ADGRA3: variants seen among roughly 807,000 people sequenced by gnomAD.
The protein encoded by ADGRA3 is G-protein coupled receptor 125.
ADGRA3 carries 56 observed loss-of-function variants against 119.8 expected under a neutral mutation model. That is an observed-to-expected ratio of 0.47 (90% CI 0.38 to 0.58). The LOEUF is 0.58. Among genes scored for constraint, ADGRA3 ranks in the 20% least tolerant of loss-of-function variants. The probability of loss-of-function intolerance (pLI) is 0.00; values close to 1 mark genes in which losing one functional copy is unlikely to be tolerated. For synonymous variants in ADGRA3, 607 were observed against 623.8 expected (o/e 0.97, Z 0.40); for missense variants, 1,516 against 1,649.0 (o/e 0.92, Z 1.40).
chr4:22,473,226 T>C (rs1272746808), intron 2 of ADGRA3: 2 of 152,264 alleles, frequency 1.3e-5, no homozygotes, highest in Non-Finnish European at 2.9e-5. Flanking sequence ...ATGCTTCCTG[T>C]ACAGCCTGCG....
intron 2 of ADGRA3, among the ~76,000 whole-genome samples, chr4:22,468,683 C>A (rs900137834): frequency 6.6e-6 from 1 of 151,232 alleles, no homozygotes; most frequent in Admixed American, 6.6e-5. Flanking sequence ...ACAGGAGAAT[C>A]GCTTGAACTT....
chr4:22,511,433 T>C (rs2109189174), intron 1 of ADGRA3, among the ~76,000 whole-genome samples: 1 of 151,958 alleles, frequency 6.6e-6, no homozygotes, highest in South Asian at 2.1e-4. Context: ...GACCTTTCTT[T>C]AAGCATAGCT....
intron 1 of ADGRA3, among the ~76,000 whole-genome samples, chr4:22,481,597 T>G (rs952295697): frequency 2.6e-5 from 4 of 152,344 alleles, no homozygotes; most frequent in Admixed American, 2.6e-4. Flanking sequence ...CTTTTTATTT[T>G]TATTTGTATG....
At chr4:22,472,855 T>C (rs189609345) in intron 2 of ADGRA3, among the ~76,000 whole-genome samples, 2 of 152,274 alleles carry the variant, frequency 1.3e-5, no homozygotes, top group Admixed American at 6.5e-5. Context: ...AGCTCCCTTA[T>C]GTATTGTGAA....
chr4:22,449,409 T>C (rs1331951966), intron 4 of ADGRA3, among the ~76,000 whole-genome samples: 1 of 152,000 alleles, frequency 6.6e-6, no homozygotes, highest in African/African-American at 2.4e-5. Context: ...AGACAAGACA[T>C]GGTAGGTAAA....
At chr4:22,498,580 T>C (rs1383085516) in intron 1 of ADGRA3, among the ~76,000 whole-genome samples, 1 of 151,510 alleles carries the variant, frequency 6.6e-6, no homozygotes, top group Non-Finnish European at 1.5e-5. Context: ...ATTGTGCCAC[T>C]GCAATCCAGC....
rs1422933424 is a variant in ADGRA3 at position 22,447,574 on chromosome 4, A to G, written c.474-63T>C. 3.9e-6 allele frequency: 4 copies of G among 1,018,206 alleles called. No individual in the cohort carries two copies. The East Asian group carries it at 9.8e-5, about 25-fold the overall frequency. 63.1% of individuals were successfully genotyped at this position (1,018,206 alleles called of 1,614,324 possible). A position where few individuals can be genotyped will look rare whatever the true frequency, so the allele number is the denominator to read the frequency against. ...ATTATCTATCATTTTATCCTATTTC[A>G]TATTTTCTAAAGCATCCTACAGTCA... is the stretch of plus-strand genomic sequence containing the variant. On this transcript the variant is annotated intron_variant, in intron 4 of 18. Coordinates refer to ENST00000334304, the MANE Select transcript of ADGRA3 (RefSeq NM_145290.4).
At chr4:22,452,048 C>T (rs1333488817) in intron 4 of ADGRA3, among the ~76,000 whole-genome samples, 1 of 152,166 alleles carries the variant, frequency 6.6e-6, no homozygotes, top group African/African-American at 2.4e-5. Flanking sequence ...GTTTCCTGAT[C>T]CACAGCTCTA....
chr4:22,416,217 A>G (rs550178284), intron 12 of ADGRA3, among the ~76,000 whole-genome samples: 57 of 152,320 alleles, frequency 3.7e-4, no homozygotes, highest in Admixed American at 8.5e-4. Flanking sequence ...GGTGGCAAGC[A>G]CAAAGTTTGT....
rs753026053 is a variant in ADGRA3, at chr4:22,436,566, G to A, written c.1161C>T (p.Pro387=). The change falls in exon 9 of 19, where the codon CCC becomes CCT. Residue 387 remains proline (P), a synonymous_variant. Transcript: ENST00000334304. ...TRNTHGSGIY[P]GNPQDERKAW... ...CTTTTCTCTCATCCTGTGGGTTTCC[G>A]GGATATATCCCACTGCCATGGGTGT... 1.1e-5 allele frequency: 17 copies of A among 1,613,812 alleles called. No homozygotes were observed. The African/African-American group carries it at 1.6e-4, about 15-fold the overall frequency.
chr4:22,504,033 T>G (rs1719147732), intron 1 of ADGRA3, among the ~76,000 whole-genome samples: 1 of 152,056 alleles, frequency 6.6e-6, no homozygotes. Context: ...GACAGAATCA[T>G]AAAAAGGGCT....
At chr4:22,478,972 T>G (rs1356589896) in intron 1 of ADGRA3, among the ~76,000 whole-genome samples, 1 of 152,156 alleles carries the variant, frequency 6.6e-6, no homozygotes, top group African/African-American at 2.4e-5. Context: ...TAAATATTTA[T>G]AATTCCTATT....
At chr4:22,508,694 T>C (rs917293310) in intron 1 of ADGRA3, among the ~76,000 whole-genome samples, 1 of 152,142 alleles carries the variant, frequency 6.6e-6, no homozygotes, top group African/African-American at 2.4e-5. Flanking sequence ...AGAAGCAACC[T>C]GGCCACACCC....
At chr4:22,410,953 A>G (rs1025601435) in intron 14 of ADGRA3, among the ~76,000 whole-genome samples, 1 of 152,208 alleles carries the variant, frequency 6.6e-6, no homozygotes, top group African/African-American at 2.4e-5. Context: ...TAAGAGATTA[A>G]AAGTCTGAAA....
chr4:22,465,002 G>A (rs1717605417), intron 2 of ADGRA3, among the ~76,000 whole-genome samples: 1 of 152,156 alleles, frequency 6.6e-6, no homozygotes, highest in South Asian at 2.1e-4. Flanking sequence ...CCGGTACCCA[G>A]GCCAAGCAGA....
intron 10 of ADGRA3, among the ~76,000 whole-genome samples, chr4:22,424,902 T>C (rs566499716): frequency 2.6e-5 from 4 of 152,192 alleles, no homozygotes; most frequent in African/African-American, 9.6e-5. Context: ...TGAAACCCCA[T>C]ATCTACTAAA....
rs148054968 is a variant in ADGRA3 at position 22,464,696 on chromosome 4, G to A, written c.330-2888C>T. Among the ~76,000 whole-genome samples, 179 of 152,332 alleles carry A rather than the reference G, an allele frequency of 1.2e-3. 1 individual carries two copies. Among genetic ancestry groups the A allele is most frequent in the African/African-American group, 4.0e-3 (165 of 41,582 alleles). On this transcript the variant is annotated intron_variant, in intron 2 of 18. Transcript: ENST00000334304. ...ACCTCCTGAGAGTCAACCCATGAAG[G>A]TCAGAGGTAAAGGGCATGAATGGCC...
chr4:22,471,271 T>C (rs553082999), intron 2 of ADGRA3, among the ~76,000 whole-genome samples: 3 of 152,000 alleles, frequency 2.0e-5, no homozygotes, highest in Non-Finnish European at 1.5e-5. Flanking sequence ...TAAGAACTTA[T>C]GAACACAAAG....
intron 3 of ADGRA3, among the ~76,000 whole-genome samples, chr4:22,457,977 A>G (rs1717300394): frequency 6.6e-6 from 1 of 152,246 alleles, no homozygotes; most frequent in East Asian, 1.9e-4. Flanking sequence ...CTGTGACTAC[A>G]ACAGTGTGGA....
Sources: gnomAD v4.1 joint callset for allele counts (sites outside exome capture counted in the v4.1 genomes callset) on GRCh38, gnomAD v4.1.1 for gene constraint, MANE v1.5 for transcripts, NCBI Gene and HGNC (gene_info 2026-07-23, HGNC 2026-07-21) for gene names.